HTR3A: variants seen among roughly 807,000 people sequenced by gnomAD.
HTR3A encodes the protein 5-hydroxytryptamine receptor 3A.
A neutral mutation model predicts 54.8 loss-of-function variants in HTR3A; 45 were observed. The observed-to-expected ratio is 0.82, with a 90% CI of 0.65 to 1.05. The LOEUF (loss-of-function observed/expected upper bound fraction) is 1.05. Ranked by LOEUF, HTR3A falls within the 50% of genes least tolerant of loss-of-function variation. The pLI is 0.00. For synonymous variants in HTR3A, 297 were observed against 256.0 expected (o/e 1.16, Z -1.53); for missense variants, 657 against 614.0 (o/e 1.07, Z -0.74).
Position 113,975,170 on chromosome 11 carries a change from C to T in HTR3A, c.-156C>T, listed in dbSNP as rs573904077. Reference sequence around the variant, plus strand: ...CTTGGCAGCTCCCCAACCTTGGTGGCCCAGGGAGTGTGAGGCTGCAGCCTC... The same window carrying T: ...CTTGGCAGCTCCCCAACCTTGGTGGTCCAGGGAGTGTGAGGCTGCAGCCTC... On this transcript the variant is annotated 5_prime_UTR_variant, in exon 1 of 9. Coordinates refer to ENST00000504030, the MANE Select transcript of HTR3A (RefSeq NM_000869.6). The T allele has an allele frequency of 3.0e-5, 22 of 733,038 alleles. No individual in the cohort carries two copies. The highest frequency in any genetic ancestry group is 4.6e-5 in the Non-Finnish European group (19 of 413,220). The allele number at this position is 733,038 out of a possible 1,614,324, so 45.4% of individuals were successfully genotyped here.
chr11:113,982,175 C>T (rs1950428916), intron 4 of HTR3A, among the ~76,000 whole-genome samples: 1 of 152,150 alleles, frequency 6.6e-6, no homozygotes, highest in South Asian at 2.1e-4. Flanking sequence ...CATTCCTTCT[C>T]CCCATCCTGC....
At chr11:113,987,649 C>G (rs570681013) in intron 8 of HTR3A, among the ~76,000 whole-genome samples, 2 of 152,138 alleles carry the variant, frequency 1.3e-5, no homozygotes, top group South Asian at 4.2e-4. Flanking sequence ...AAGTGGATCA[C>G]TTGAGCCCAG....
In HTR3A at chr11:113,989,915, A is replaced by C; in HGVS notation, c.*152A>C. ...CCTGTTTCCAATGCCAATTCATCTC[A>C]GCAATCACAAGCCAAGGTCTGAACC... On this transcript the variant is annotated 3_prime_UTR_variant, in exon 9 of 9. Coordinates refer to ENST00000504030, the MANE Select transcript of HTR3A (RefSeq NM_000869.6). The surrounding 1 kb of genome is among the most constrained non-coding windows in gnomAD (Gnocchi z 4.4). 11 of 881,116 alleles carry C rather than the reference A, an allele frequency of 1.2e-5. No individual in the cohort carries two copies. Among genetic ancestry groups the C allele is most frequent in the Non-Finnish European group, 2.0e-5 (11 of 547,384 alleles). 54.6% of individuals were successfully genotyped at this position (881,116 alleles called of 1,614,324 possible).
At position 113,986,858 on chromosome 11, in the gene HTR3A, T is replaced by C. The variant is rs1396212942; in HGVS notation, c.950T>C (p.Val317Ala). The change falls in exon 8 of 9, where the codon GTG becomes GCG. Residue 317 changes from valine to alanine, a missense_variant. By Grantham distance (64) the Val-to-Ala change is moderately conservative. Transcript: ENST00000504030. Reference protein sequence around the residue: ...VYFVVCMALLVISLAETIFIV... With the variant: ...VYFVVCMALLAISLAETIFIV... ...TTTGTGGTGTGCATGGCTCTGCTGG[T>C]GATAAGTTTGGCCGAGACCATCTTC... is the stretch of plus-strand genomic sequence containing the variant. The C allele has an allele frequency of 1.2e-6, 2 of 1,613,796 alleles. No homozygotes were observed. The highest frequency in any genetic ancestry group is 1.7e-6 in the Non-Finnish European group (2 of 1,180,016).
chr11:113,983,033 T>A, intron 4 of HTR3A, 87 bp from the exon 5 acceptor site: 1 of 1,512,020 alleles, frequency 6.6e-7, no homozygotes, highest in Non-Finnish European at 9.2e-7. Context: ...CGAACTTCAC[T>A]CCCTACCCAG....
intron 5 of HTR3A, among the ~76,000 whole-genome samples, chr11:113,985,740 A>G (rs1186537849): frequency 6.6e-6 from 1 of 151,958 alleles, no homozygotes; most frequent in Admixed American, 6.6e-5. Flanking sequence ...TGAAGGAGAG[A>G]GAGCGCTTTC....
intron 1 of HTR3A, among the ~76,000 whole-genome samples, chr11:113,975,781 G>A (rs1950344204): frequency 2.0e-5 from 3 of 152,182 alleles, no homozygotes; most frequent in Admixed American, 2.0e-4. Context: ...AAATGGGAAT[G>A]CTGTGGCCCA....
chr11:113,988,968 G>A (rs532907635), intron 8 of HTR3A, among the ~76,000 whole-genome samples: 20 of 152,284 alleles, frequency 1.3e-4, no homozygotes, highest in African/African-American at 3.9e-4. Context: ...TGTGTGTAAG[G>A]AGGGGTATAC....
At chr11:113,985,732 A>C (rs536234838) in intron 5 of HTR3A, among the ~76,000 whole-genome samples, 1 of 151,728 alleles carries the variant, frequency 6.6e-6, no homozygotes, top group Non-Finnish European at 1.5e-5. Context: ...TGTGTGTGTG[A>C]AGGAGAGAGA....
chr11:113,985,274 A>G (rs985746752), intron 5 of HTR3A, among the ~76,000 whole-genome samples: 1 of 152,154 alleles, frequency 6.6e-6, no homozygotes, highest in Admixed American at 6.5e-5. Context: ...GATTCTTTTT[A>G]CCCAACATTA....
rs571635095 is a variant in HTR3A, at chr11:113,989,795, G to C, written c.*32G>C. 6.9e-5 allele frequency: 110 copies of C among 1,600,494 alleles called. No individual in the cohort carries two copies. The East Asian group carries it at 2.3e-3, about 33-fold the overall frequency. Reference sequence around the variant, plus strand: ...ACAGCCCAGTGGAGGAGGGGGTACAGTCCTGGTTAGGTGGGGACAGAGGAT... The same window carrying C: ...ACAGCCCAGTGGAGGAGGGGGTACACTCCTGGTTAGGTGGGGACAGAGGAT... On this transcript the variant is annotated 3_prime_UTR_variant, in exon 9 of 9. Coordinates refer to ENST00000504030, the MANE Select transcript of HTR3A (RefSeq NM_000869.6). This position sits in a 1 kb window ranked among gnomAD's most constrained non-coding sequence, Gnocchi z 4.4.
At chr11:113,986,466 G>C in intron 6 of HTR3A, 52 bp from the exon 7 acceptor site, 1 of 1,599,298 alleles carries the variant, frequency 6.3e-7, no homozygotes, top group Non-Finnish European at 8.5e-7. Context: ...GTGGTTCCTG[G>C]GAGCAGAGCC....
Position 113,986,081 on chromosome 11 carries a change from T to C in HTR3A, c.611T>C (p.Met204Thr), listed in dbSNP as rs538657565. Residue 204 changes from methionine (M) to threonine (T), a missense_variant, in exon 6 of 9, where the codon ATG becomes ACG. Physicochemically the swap from Met to Thr is moderately conservative, Grantham distance 81. Transcript: ENST00000504030. ...GTGAAATCCGACAGGAGTGTCTTCATGAACCAGGGAGAGTGGGAGTTGCTG... is the reference window on the plus strand; with the variant it reads ...GTGAAATCCGACAGGAGTGTCTTCACGAACCAGGGAGAGTGGGAGTTGCTG... ...EKVKSDRSVF[M>T]NQGEWELLGV... 1.9e-6 allele frequency: 3 copies of C among 1,614,204 alleles called. No homozygotes were observed. The highest frequency in any genetic ancestry group is 2.5e-6 in the Non-Finnish European group (3 of 1,180,034).
chr11:113,977,348 T>A (rs540685257), intron 1 of HTR3A, among the ~76,000 whole-genome samples: 1 of 152,318 alleles, frequency 6.6e-6, no homozygotes, highest in African/African-American at 2.4e-5. Flanking sequence ...GGCTTAGAAA[T>A]TGTGCACTTG....
chr11:113,983,747 A>G (rs990803483), intron 5 of HTR3A, among the ~76,000 whole-genome samples: 1 of 151,940 alleles, frequency 6.6e-6, no homozygotes, highest in Admixed American at 6.6e-5. Context: ...CATTTATTTC[A>G]CTTCACCCCC....
At chr11:113,983,046 G>A in intron 4 of HTR3A, 74 bp from the exon 5 acceptor site, 1 of 1,566,146 alleles carries the variant, frequency 6.4e-7, no homozygotes, top group East Asian at 2.2e-5. Context: ...CTACCCAGTT[G>A]TTCCAAGATC....
At chr11:113,984,565 T>A (rs1315544533) in intron 5 of HTR3A, among the ~76,000 whole-genome samples, 1 of 152,224 alleles carries the variant, frequency 6.6e-6, no homozygotes, top group Non-Finnish European at 1.5e-5. Context: ...ACCGAGCAGA[T>A]GAATGCTAGC....
intron 1 of HTR3A, among the ~76,000 whole-genome samples, chr11:113,976,960 G>C (rs1950359776): frequency 6.6e-6 from 1 of 151,950 alleles, no homozygotes. Flanking sequence ...AATCTTCATA[G>C]AACAGCACCA....
In HTR3A at chr11:113,980,003, A is replaced by G. The variant is rs148014152; in HGVS notation, c.264+726A>G. Reference sequence around the variant, plus strand: ...GTTATCCCTCCCCATGGCTCATGGCACATCCATCACCACCACCAGACATGG... The same window carrying G: ...GTTATCCCTCCCCATGGCTCATGGCGCATCCATCACCACCACCAGACATGG... On this transcript the variant is annotated intron_variant, in intron 3 of 8. Transcript: ENST00000504030. Among the ~76,000 whole-genome samples the G allele has an allele frequency of 2.6e-4, 39 of 152,278 alleles. No homozygotes were observed. The East Asian group carries it at 7.3e-3, about 29-fold the overall frequency.
Sources: allele counts gnomAD v4.1 joint callset (sites outside exome capture counted in the v4.1 genomes callset), GRCh38; gene constraint gnomAD v4.1.1; non-coding constraint Gnocchi (gnomAD v3.1); transcripts MANE v1.5; gene names NCBI Gene and HGNC (gene_info 2026-07-23, HGNC 2026-07-21).